HSPA12B: variants seen among roughly 807,000 people sequenced by gnomAD.
HSPA12B encodes heat shock protein family A (Hsp70) member 12B.
In HSPA12B, 54 loss-of-function variants were observed where a neutral mutation model predicts 69.3. The observed-to-expected ratio is 0.78, with a 90% CI of 0.63 to 0.98. HSPA12B has a LOEUF of 0.98. HSPA12B is among the 50% of genes least tolerant of loss of function. HSPA12B has a pLI of 0.00. For missense variants in HSPA12B, 929 were observed against 999.8 expected, an observed-to-expected ratio of 0.93 and a Z score of 0.96; for synonymous variants, 441 against 436.5, an observed-to-expected ratio of 1.01 and a Z score of -0.13.
rs558889895 is a variant in HSPA12B at position 3,750,778 on chromosome 20, A to G, written c.1302-26A>G. On this transcript the variant is annotated intron_variant, in intron 11 of 12. Coordinates refer to ENST00000254963, the MANE Select transcript of HSPA12B (RefSeq NM_052970.5). ...CAAGCAGCTGGGCCCTGACCGATGG[A>G]TATTTGCCCCTTTCACCACCAACAG... 3.1e-6 allele frequency: 5 copies of G among 1,613,386 alleles called. No homozygotes were observed. The African/African-American group carries it at 4.0e-5, about 13-fold the overall frequency.
At chr20:3,733,680 G>A (rs1389764161) in intron 1 of HSPA12B, among the ~76,000 whole-genome samples, 1 of 152,218 alleles carries the variant, frequency 6.6e-6, no homozygotes, top group Admixed American at 6.5e-5. Flanking sequence ...GAGTGGGGCA[G>A]CCCTTTGGGT....
Position 3,751,652 on chromosome 20 carries a change from T to A in HSPA12B, c.1547T>A (p.Val516Glu), listed in dbSNP as rs1451799857. Residue 516 changes from valine to glutamate, a missense_variant, in exon 13 of 13, where the codon GTG (valine) becomes GAG (glutamate). Coordinates refer to ENST00000254963, the MANE Select transcript of HSPA12B (RefSeq NM_052970.5). The part of the protein sequence containing the change: ...RGLRVVVPHD[V>E]GLTILKGAVL... ...CTGCGTGTCGTGGTCCCGCACGACG[T>A]GGGCCTCACCATCCTCAAAGGCGCG... is the stretch of plus-strand genomic sequence containing the variant. 10 of 1,523,232 alleles carry A rather than the reference T, an allele frequency of 6.6e-6. No homozygotes were observed. In the South Asian group the frequency reaches 1.2e-4, roughly 18 times the overall value. 94.4% of individuals were successfully genotyped at this position (1,523,232 alleles called of 1,614,324 possible).
chr20:3,745,190 G>A lies in HSPA12B; in HGVS notation c.453+102G>A. Reference sequence around the variant, plus strand: ...AACCAAAACGTGTGAGGACCGGCCCGATGGAGTCGTGGCTGAGAGGGGGCG... The same window carrying A: ...AACCAAAACGTGTGAGGACCGGCCCAATGGAGTCGTGGCTGAGAGGGGGCG... On this transcript the variant is annotated intron_variant, in intron 5 of 12. Coordinates refer to ENST00000254963, the MANE Select transcript of HSPA12B (RefSeq NM_052970.5). This position sits in a 1 kb window ranked among gnomAD's most constrained non-coding sequence, Gnocchi z 5.6. 1 of 1,097,858 alleles carries A rather than the reference G, an allele frequency of 9.1e-7. No homozygotes were observed. Among genetic ancestry groups the A allele is most frequent in the Non-Finnish European group, 1.3e-6 (1 of 756,326 alleles). 68.0% of individuals were successfully genotyped at this position (1,097,858 alleles called of 1,614,324 possible). A position where few individuals can be genotyped will look rare whatever the true frequency, so the allele number is the denominator to read the frequency against.
At position 3,751,581 on chromosome 20, in the gene HSPA12B, A is replaced by G; in HGVS notation, c.1476A>G (p.Ser492=). 2 of 1,503,694 alleles carry G rather than the reference A, an allele frequency of 1.3e-6. No individual in the cohort carries two copies. Among genetic ancestry groups the G allele is most frequent in the Non-Finnish European group, 1.8e-6 (2 of 1,130,772 alleles). 93.1% of individuals were successfully genotyped at this position (1,503,694 alleles called of 1,614,324 possible). Residue 492 remains serine, a synonymous_variant, in exon 13 of 13, where the codon TCA becomes TCG. Coordinates refer to ENST00000254963, the MANE Select transcript of HSPA12B (RefSeq NM_052970.5). ...LLFLVGGFAE[S]AVLQHAVQAA... is the part of the protein sequence containing the mutation. ...TCCTAGTGGGCGGCTTCGCCGAGTC[A>G]GCGGTGCTGCAGCACGCGGTGCAGG...
rs1051485388 is a variant in HSPA12B, at chr20:3,737,399, T to C, written c.-17-1259T>C. On this transcript the variant is annotated intron_variant, in intron 1 of 12. Transcript: ENST00000254963. The surrounding 1 kb of genome is among the most constrained non-coding windows in gnomAD (Gnocchi z 4.1). ...TTTCAGCCAAGCTTTTCAGAAATTC[T>C]AGCTCAATATGATTGCGTCACTACA... Among the ~76,000 whole-genome samples, 1 of 152,074 alleles carries C rather than the reference T, an allele frequency of 6.6e-6. No individual in the cohort carries two copies. Among genetic ancestry groups the C allele is most frequent in the Non-Finnish European group, 1.5e-5 (1 of 68,022 alleles).
At position 3,740,764 on chromosome 20, in the gene HSPA12B, G is replaced by A. The variant is rs1265039442; in HGVS notation, c.44-51G>A. ...TGGGTGCCTGGCTTGGGGCCCCGCT[G>A]CCATACCTACCCTGCTTGTGCCAGG... On this transcript the variant is annotated intron_variant, in intron 2 of 12. Coordinates refer to ENST00000254963, the MANE Select transcript of HSPA12B (RefSeq NM_052970.5). This position sits in a 1 kb window ranked among gnomAD's most constrained non-coding sequence, Gnocchi z 4.9. 2.3e-5 allele frequency: 35 copies of A among 1,532,356 alleles called. No homozygotes were observed. Among genetic ancestry groups the A allele is most frequent in the Non-Finnish European group, 3.0e-5 (33 of 1,115,808 alleles). The allele number at this position is 1,532,356 out of a possible 1,614,324, so 94.9% of individuals were successfully genotyped here. A position where few individuals can be genotyped will look rare whatever the true frequency, so the allele number is the denominator to read the frequency against.
rs1295889451 is a variant in HSPA12B, at chr20:3,745,135, G to A, written c.453+47G>A. ...AGGGAGGCGGGGCCAGCATGGAAAA[G>A]GGCAGGGCTAATGGGGGTGGGTGGG... is the stretch of plus-strand genomic sequence containing the variant. On this transcript the variant is annotated intron_variant, in intron 5 of 12. Coordinates refer to ENST00000254963, the MANE Select transcript of HSPA12B (RefSeq NM_052970.5). The surrounding 1 kb of genome is among the most constrained non-coding windows in gnomAD (Gnocchi z 5.6). 6.5e-7 allele frequency: 1 copy of A among 1,536,528 alleles called. No individual in the cohort carries two copies. Among genetic ancestry groups the A allele is most frequent in the East Asian group, 2.3e-5 (1 of 44,372 alleles).
At chr20:3,735,200 A>G (rs527510981) in intron 1 of HSPA12B, among the ~76,000 whole-genome samples, 7 of 152,292 alleles carry the variant, frequency 4.6e-5, no homozygotes, top group African/African-American at 1.7e-4. Flanking sequence ...GCTTTTATCA[A>G]TACCTTGCAT....
intron 1 of HSPA12B, among the ~76,000 whole-genome samples, chr20:3,734,698 CCT>C (rs2146549257): frequency 6.6e-6 from 1 of 151,652 alleles, no homozygotes; most frequent in East Asian, 1.9e-4. Flanking sequence ...CTTACCTCCA[CCT>C]CTCGGGGAAT....
At position 3,744,833 on chromosome 20, in the gene HSPA12B, T is replaced by G; in HGVS notation, c.267-69T>G. The G allele has an allele frequency of 1.4e-6, 2 of 1,477,294 alleles. No individual in the cohort carries two copies. The highest frequency in any genetic ancestry group is 1.9e-6 in the Non-Finnish European group (2 of 1,078,796). 91.5% of individuals were successfully genotyped at this position (1,477,294 alleles called of 1,614,324 possible). On this transcript the variant is annotated intron_variant, in intron 4 of 12. Coordinates refer to ENST00000254963, the MANE Select transcript of HSPA12B (RefSeq NM_052970.5). The surrounding 1 kb of genome is among the most constrained non-coding windows in gnomAD (Gnocchi z 4.9). ...TTTCACATCTGTAAGTTTTTGCACA[T>G]GCTGTTCCCTCTGCCTGGATTCCCA...
chr20:3,737,269 T>A lies in HSPA12B; in HGVS notation c.-17-1389T>A, dbSNP rs2088123696. ...CCTGCCTATAGCCTGGCCCCAGAAC[T>A]TCATAGACAGGATCGAGCCCCTCCC... On this transcript the variant is annotated intron_variant, in intron 1 of 12. Transcript: ENST00000254963. The surrounding 1 kb of genome is among the most constrained non-coding windows in gnomAD (Gnocchi z 4.1). Among the ~76,000 whole-genome samples, 1 of 152,142 alleles carries A rather than the reference T, an allele frequency of 6.6e-6. No homozygotes were observed. The highest frequency in any genetic ancestry group is 1.5e-5 in the Non-Finnish European group (1 of 68,028).
chr20:3,751,229 G>A (rs1300575452), intron 12 of HSPA12B: 3 of 982,914 alleles, frequency 3.1e-6, no homozygotes, highest in Non-Finnish European at 2.4e-6. Context: ...TGCACACAAT[G>A]TCTAGGTGTT....
rs768680111 is a variant in HSPA12B, at chr20:3,749,941, G to A, written c.1043-28G>A. On this transcript the variant is annotated intron_variant, in intron 10 of 12. Transcript: ENST00000254963. This position sits in a 1 kb window ranked among gnomAD's most constrained non-coding sequence, Gnocchi z 5.5. The stretch of plus-strand genomic sequence containing the variant: ...CCCTGGCGGCCCGGCGAGCGCTGAC[G>A]CCCTCTTCGCCCCCTGCTCCACCCC... The A allele has an allele frequency of 6.5e-7, 1 of 1,547,702 alleles. No homozygotes were observed. The highest frequency in any genetic ancestry group is 8.7e-7 in the Non-Finnish European group (1 of 1,143,608).
intron 1 of HSPA12B, among the ~76,000 whole-genome samples, chr20:3,736,439 G>A (rs2088109214): frequency 6.6e-6 from 1 of 152,220 alleles, no homozygotes; most frequent in African/African-American, 2.4e-5. Flanking sequence ...CCAGGTGTCT[G>A]TCCACAATGG....
chr20:3,737,693 C>A lies in HSPA12B; in HGVS notation c.-17-965C>A, dbSNP rs1246361342. Among the ~76,000 whole-genome samples, 2 of 152,140 alleles carry A rather than the reference C, an allele frequency of 1.3e-5. No individual in the cohort carries two copies. Among genetic ancestry groups the A allele is most frequent in the East Asian group, 1.9e-4 (1 of 5,194 alleles). On this transcript the variant is annotated intron_variant, in intron 1 of 12. Transcript: ENST00000254963. This position sits in a 1 kb window ranked among gnomAD's most constrained non-coding sequence, Gnocchi z 4.1. Reference sequence around the variant, plus strand: ...AGGTTCTCCTCGTGACAGAGTGACACCCTATCTCAAAACAAACAAACAACG... The same window carrying A: ...AGGTTCTCCTCGTGACAGAGTGACAACCTATCTCAAAACAAACAAACAACG...
rs979776341 is a variant in HSPA12B at position 3,750,202 on chromosome 20, G to A, written c.1276G>A (p.Val426Met). 7.5e-6 allele frequency: 12 copies of A among 1,607,798 alleles called. No homozygotes were observed. Among genetic ancestry groups the A allele is most frequent in the Non-Finnish European group, 6.0e-6 (7 of 1,176,378 alleles). ...CTACCGCAAGCAGCGGGGCCACAAC[G>A]TGGAGACCGCTCTGCGCAGGAGCAG... ...DFYRKQRGHN[V>M]ETALRRSSVN... Residue 426 changes from valine to methionine, a missense_variant, in exon 11 of 13, where the codon GTG becomes ATG. By Grantham distance (21) the Val-to-Met change is conservative (BLOSUM62 1). This residue lies in a region of HSPA12B where 448 missense variants were observed against 448.1 expected (regional missense o/e 1.00). Coordinates refer to ENST00000254963, the MANE Select transcript of HSPA12B (RefSeq NM_052970.5).
intron 7 of HSPA12B, 59 bp from the exon 8 acceptor site, chr20:3,748,158 G>A: frequency 7.1e-7 from 1 of 1,399,660 alleles, no homozygotes; most frequent in Non-Finnish European, 9.5e-7. Context: ...ACCTCACAGT[G>A]CCATCTTAGG....
In HSPA12B at chr20:3,752,001, C is replaced by T. The variant is rs754616229; in HGVS notation, c.1896C>T (p.Leu632=). 1 of 1,567,726 alleles carries T rather than the reference C, an allele frequency of 6.4e-7. No individual in the cohort carries two copies. The highest frequency in any genetic ancestry group is 1.7e-4 in the Middle Eastern group (1 of 6,014). The change falls in exon 13 of 13, where the codon CTC becomes CTT. Residue 632 remains leucine, a synonymous_variant. Coordinates refer to ENST00000254963, the MANE Select transcript of HSPA12B (RefSeq NM_052970.5). Reference sequence around the variant, plus strand: ...TGCGCAAATGCGGCGCGCTCAGCCTCGAGCTTGAGCCCGCCGACTGCGGCC... The same window carrying T: ...TGCGCAAATGCGGCGCGCTCAGCCTTGAGCTTGAGCCCGCCGACTGCGGCC... ...PGVRKCGALS[L]ELEPADCGQD...
At position 3,752,816 on chromosome 20, in the gene HSPA12B, G is replaced by C. The variant is rs2088452024; in HGVS notation, c.*650G>C. 1 of 153,698 alleles carries C rather than the reference G, an allele frequency of 6.5e-6. No individual in the cohort carries two copies. The highest frequency in any genetic ancestry group is 6.5e-5 in the Admixed American group (1 of 15,276). 9.5% of individuals were successfully genotyped at this position (153,698 alleles called of 1,614,324 possible). On this transcript the variant is annotated 3_prime_UTR_variant, in exon 13 of 13. Transcript: ENST00000254963. ...CAATTATGAGGGTAGCATTTCTTTCGAGACAAAACACCCGTCTGGGAAGGC... is the reference window on the plus strand; with the variant it reads ...CAATTATGAGGGTAGCATTTCTTTCCAGACAAAACACCCGTCTGGGAAGGC...
Sources: gnomAD v4.1 joint callset for allele counts (sites outside exome capture counted in the v4.1 genomes callset) on GRCh38, gnomAD v4.1.1 for gene constraint, gnomAD v4.1.1 regional missense constraint, Gnocchi (gnomAD v3.1) non-coding constraint, MANE v1.5 for transcripts, NCBI Gene and HGNC (gene_info 2026-07-23, HGNC 2026-07-21) for gene names.